The following EPHA5 variants were observed in gnomAD, a reference collection of about 807,000 sequenced individuals.
EPHA5 encodes the protein EPH receptor A5.
A neutral mutation model predicts 105.0 loss-of-function variants in EPHA5; 60 were observed. The ratio of observed to expected loss-of-function variants is 0.57; its 90% CI spans 0.46 to 0.71. The LOEUF (loss-of-function observed/expected upper bound fraction) is 0.71, where lower values mean the gene tolerates loss of function less well. Among genes scored for constraint, EPHA5 ranks in the 30% least tolerant of loss-of-function variants. EPHA5 has a pLI of 0.00. For missense variants in EPHA5, 1,218 were observed against 1,274.7 expected (o/e 0.96, Z 0.68); for synonymous variants, 513 against 449.1 (o/e 1.14, Z -1.80).
intron 11 of EPHA5, among the ~76,000 whole-genome samples, chr4:65,358,954 G>A (rs1033751941): frequency 2.0e-5 from 3 of 151,528 alleles, no homozygotes; most frequent in African/African-American, 7.3e-5. Context: ...TTACATTAGC[G>A]AAAGTGGTTA....
Position 65,320,854 on chromosome 4 carries a change from T to A in EPHA5, c.*3260A>T, listed in dbSNP as rs1427955426. On this transcript the variant is annotated 3_prime_UTR_variant, in exon 17 of 17. Coordinates refer to ENST00000613740, the MANE Select transcript of EPHA5 (RefSeq NM_001281766.3). ...ACCAATAATGCTGGCCACACTTAAG[T>A]TTAGATAAAATATTGGAATATAATT... 1 of 230,072 alleles carries A rather than the reference T, an allele frequency of 4.3e-6. No individual in the cohort carries two copies. Among genetic ancestry groups the A allele is most frequent in the Non-Finnish European group, 8.6e-6 (1 of 116,076 alleles). The allele number at this position is 230,072 out of a possible 1,614,324, so 14.3% of individuals were successfully genotyped here.
chr4:65,331,891 T>C, intron 16 of EPHA5, 82 bp downstream of exon 16: 1 of 1,501,634 alleles, frequency 6.7e-7, no homozygotes, highest in East Asian at 2.3e-5. Flanking sequence ...TTAACTGATT[T>C]CCCTTACCTC....
chr4:65,488,885 ATTTTTT>A (rs5858962), intron 5 of EPHA5, among the ~76,000 whole-genome samples: 1 of 117,790 alleles, frequency 8.5e-6, no homozygotes, highest in Non-Finnish European at 1.7e-5. Flanking sequence ...AGCTGCATGC[ATTTTTT>A]TTTTTTTTTT....
chr4:65,500,823 G>GTATA (rs34256025), intron 3 of EPHA5, among the ~76,000 whole-genome samples: 15 of 147,978 alleles, frequency 1.0e-4, no homozygotes, highest in African/African-American at 3.7e-4. Flanking sequence ...ATATGTGTGC[G>GTATA]TATATATATA....
chr4:65,365,303 A>G, intron 10 of EPHA5, 101 bp from the exon 11 acceptor site: 1 of 773,536 alleles, frequency 1.3e-6, no homozygotes, highest in Non-Finnish European at 2.0e-6. Flanking sequence ...ATGAAAAAAC[A>G]AACAAACAAA....
intron 8 of EPHA5, among the ~76,000 whole-genome samples, chr4:65,384,621 A>G (rs961007950): frequency 6.6e-6 from 1 of 151,778 alleles, no homozygotes; most frequent in African/African-American, 2.4e-5. Context: ...TTGGGTTTCT[A>G]CCAAATGCAT....
At position 65,454,993 on chromosome 4, in the gene EPHA5, C is replaced by A. The variant is rs185071017; in HGVS notation, c.1403-34428G>T. 5.2e-3 allele frequency among the ~76,000 whole-genome samples: 791 copies of A among 152,186 alleles called. 4 individuals are homozygous for A. The highest frequency in any genetic ancestry group is 0.024 in the Middle Eastern group (7 of 294). On this transcript the variant is annotated intron_variant, in intron 5 of 16. Coordinates refer to ENST00000613740, the MANE Select transcript of EPHA5 (RefSeq NM_001281766.3). ...TGGCACGGTGGCTCACGCCTGTAAT[C>A]CCAGCACTTTGGGAGGCCGAGGCGG...
intron 8 of EPHA5, among the ~76,000 whole-genome samples, chr4:65,388,052 G>A (rs995037764): frequency 6.8e-6 from 1 of 146,046 alleles, no homozygotes; most frequent in African/African-American, 2.5e-5. Context: ...CCATCTATGA[G>A]TGAGAGCATG....
intron 1 of EPHA5, among the ~76,000 whole-genome samples, chr4:65,650,482 C>T (rs1748506965): frequency 6.7e-6 from 1 of 148,492 alleles, no homozygotes; most frequent in African/African-American, 2.5e-5. Flanking sequence ...ATGGCGTGAA[C>T]TTAGGAGGCG....
chr4:65,618,734 A>G (rs182200407), intron 2 of EPHA5, among the ~76,000 whole-genome samples: 55 of 152,344 alleles, frequency 3.6e-4, no homozygotes, highest in African/African-American at 1.3e-3. Flanking sequence ...TTAGAAGATA[A>G]TTGTATTTAT....
At chr4:65,633,109 A>T (rs1012241247) in intron 2 of EPHA5, among the ~76,000 whole-genome samples, 2 of 152,054 alleles carry the variant, frequency 1.3e-5, no homozygotes, top group Admixed American at 1.3e-4. Flanking sequence ...AGCACTGAAC[A>T]ACACAAAAAA....
At chr4:65,385,407 G>A (rs79819607) in intron 8 of EPHA5, among the ~76,000 whole-genome samples, 3 of 151,532 alleles carry the variant, frequency 2.0e-5, no homozygotes, top group South Asian at 2.1e-4. Context: ...AAGTAATTGC[G>A]GCAATATACT....
chr4:65,356,631 G>A (rs1032597623), intron 11 of EPHA5, among the ~76,000 whole-genome samples: 1 of 151,422 alleles, frequency 6.6e-6, no homozygotes, highest in African/African-American at 2.4e-5. Flanking sequence ...AGATGATAAG[G>A]ACCTAAAACA....
intron 3 of EPHA5, among the ~76,000 whole-genome samples, chr4:65,503,065 T>G (rs935549448): frequency 6.6e-6 from 1 of 151,494 alleles, no homozygotes; most frequent in East Asian, 1.9e-4. Context: ...CTAAACTTTG[T>G]GTACCCATGA....
At chr4:65,528,087 A>G (rs1040707590) in intron 3 of EPHA5, among the ~76,000 whole-genome samples, 3 of 152,136 alleles carry the variant, frequency 2.0e-5, no homozygotes, top group Non-Finnish European at 2.9e-5. Context: ...AATAAAATCT[A>G]TCAACAATTT....
intron 3 of EPHA5, among the ~76,000 whole-genome samples, chr4:65,550,108 C>T (rs994832396): frequency 1.2e-4 from 18 of 151,586 alleles, no homozygotes; most frequent in Non-Finnish European, 2.5e-4. Context: ...AAAGATAATA[C>T]ATTATTTGTT....
chr4:65,637,893 G>A (rs900496689), intron 2 of EPHA5, among the ~76,000 whole-genome samples: 11 of 152,048 alleles, frequency 7.2e-5, no homozygotes, highest in Non-Finnish European at 1.5e-4. Context: ...AATAATTACA[G>A]TAAGTCTGAG....
At chr4:65,596,559 A>G (rs1743207222) in intron 3 of EPHA5, among the ~76,000 whole-genome samples, 1 of 152,178 alleles carries the variant, frequency 6.6e-6, no homozygotes, top group Non-Finnish European at 1.5e-5. Flanking sequence ...ATCTAAAAGT[A>G]GGCCAGGGAG....
intron 3 of EPHA5, among the ~76,000 whole-genome samples, chr4:65,550,552 A>G (rs931879548): frequency 1.3e-5 from 2 of 152,114 alleles, no homozygotes; most frequent in South Asian, 2.1e-4. Flanking sequence ...AGAAACAACT[A>G]CAGCCGGGTG....
Sources: allele counts gnomAD v4.1 joint callset (sites outside exome capture counted in the v4.1 genomes callset), GRCh38; gene constraint gnomAD v4.1.1; transcripts MANE v1.5; gene names NCBI Gene and HGNC (gene_info 2026-07-23, HGNC 2026-07-21).